The following BMPER variants were observed in gnomAD, a reference collection of about 807,000 sequenced individuals.
BMPER encodes the protein BMP binding endothelial regulator, also known as BMP-binding endothelial regulator protein.
In BMPER, 45 loss-of-function variants were observed where a neutral mutation model predicts 87.3. The observed-to-expected ratio is 0.52, with a 90% CI of 0.41 to 0.66. BMPER has a LOEUF of 0.66. Among genes scored for constraint, BMPER ranks in the 30% least tolerant of loss-of-function variants. The pLI is 0.00. For missense variants in BMPER, 784 were observed against 867.5 expected (o/e 0.90, Z 1.21); for synonymous variants, 326 against 316.2 (o/e 1.03, Z -0.33).
intron 11 of BMPER, among the ~76,000 whole-genome samples, chr7:34,076,398 T>C (rs1788866179): frequency 6.6e-6 from 1 of 152,148 alleles, no homozygotes; most frequent in Non-Finnish European, 1.5e-5. Context: ...AACCACTGTT[T>C]TCAATTTTGG....
rs564691393 is a variant in BMPER at position 33,911,863 on chromosome 7, C to T, written c.219+4960C>T. On this transcript the variant is annotated intron_variant, in intron 2 of 14. Transcript: ENST00000649409. ...GATGATGGCATTATTTTTAAAAATT[C>T]TTATTTCCTCATATGGAATAGGATG... Among the ~76,000 whole-genome samples, 415 of 152,216 alleles carry T rather than the reference C, an allele frequency of 2.7e-3. 3 individuals are homozygous for T. The highest frequency in any genetic ancestry group is 0.017 in the Middle Eastern group (5 of 294).
intron 13 of BMPER, among the ~76,000 whole-genome samples, chr7:34,136,672 G>A (rs889326632): frequency 2.6e-5 from 4 of 152,202 alleles, no homozygotes; most frequent in African/African-American, 4.8e-5. Context: ...TGACCAAATG[G>A]TGGTTTTCTT....
chr7:34,119,914 G>A (rs1342656746), intron 13 of BMPER, among the ~76,000 whole-genome samples: 1 of 151,984 alleles, frequency 6.6e-6, no homozygotes. Context: ...ACCAATGAAA[G>A]TTGTTATAGC....
rs114520711 is a variant in BMPER, at chr7:33,979,849, G to A, written c.576+5065G>A. 5.2e-3 allele frequency among the ~76,000 whole-genome samples: 793 copies of A among 152,336 alleles called. 6 individuals are homozygous for A. Among genetic ancestry groups the A allele is most frequent in the African/African-American group, 0.018 (761 of 41,576 alleles). On this transcript the variant is annotated intron_variant, in intron 6 of 14. Coordinates refer to ENST00000649409, the MANE Select transcript of BMPER (RefSeq NM_001365308.1). ...CCACTTAGTTACACTCTCTGAATTT[G>A]TGAAAATCTGTGTACTGATGTTTTC...
At chr7:34,102,652 C>G (rs1369469228) in intron 13 of BMPER, among the ~76,000 whole-genome samples, 1 of 152,110 alleles carries the variant, frequency 6.6e-6, no homozygotes, top group Non-Finnish European at 1.5e-5. Context: ...TCTCCTTATT[C>G]TAGAGTATTT....
intron 9 of BMPER, among the ~76,000 whole-genome samples, chr7:34,055,603 G>A (rs1051135849): frequency 3.3e-5 from 5 of 152,158 alleles, no homozygotes; most frequent in Non-Finnish European, 5.9e-5. Context: ...ACCTCATCTC[G>A]TTGGAGATGC....
At chr7:33,915,054 C>T (rs1784057753) in intron 2 of BMPER, among the ~76,000 whole-genome samples, 1 of 152,142 alleles carries the variant, frequency 6.6e-6, no homozygotes, top group African/African-American at 2.4e-5. Flanking sequence ...GAATCCAAAA[C>T]TAAGATTGCT....
chr7:33,918,828 A>G (rs947807577), intron 2 of BMPER, among the ~76,000 whole-genome samples: 1 of 152,098 alleles, frequency 6.6e-6, no homozygotes, highest in Non-Finnish European at 1.5e-5. Flanking sequence ...CCATTAGCAC[A>G]TAGATGAGTA....
chr7:34,137,892 A>G (rs1480135589), intron 13 of BMPER, among the ~76,000 whole-genome samples: 2 of 152,190 alleles, frequency 1.3e-5, no homozygotes, highest in Non-Finnish European at 2.9e-5. Flanking sequence ...TAGGTGCCCA[A>G]TCAGAGGTGA....
intron 13 of BMPER, among the ~76,000 whole-genome samples, chr7:34,132,365 G>A (rs1350200930): frequency 1.3e-5 from 2 of 150,270 alleles, no homozygotes; most frequent in African/African-American, 2.5e-5. Context: ...CCCCAGGATC[G>A]AAGCCAGTTC....
At chr7:33,997,159 A>T (rs1205961806) in intron 6 of BMPER, among the ~76,000 whole-genome samples, 1 of 152,196 alleles carries the variant, frequency 6.6e-6, no homozygotes, top group African/African-American at 2.4e-5. Flanking sequence ...AGTGAAAGTT[A>T]ATTACCCACC....
intron 6 of BMPER, among the ~76,000 whole-genome samples, chr7:34,027,038 T>C (rs1319034636): frequency 1.3e-5 from 2 of 152,062 alleles, no homozygotes; most frequent in African/African-American, 2.4e-5. Context: ...CCTGGGACCG[T>C]AGAGTTCATT....
At chr7:34,054,797 C>T (rs1788238580) in intron 8 of BMPER, among the ~76,000 whole-genome samples, 1 of 152,148 alleles carries the variant, frequency 6.6e-6, no homozygotes, top group African/African-American at 2.4e-5. Flanking sequence ...CCCAAGAGAG[C>T]ACTATTAGTG....
intron 13 of BMPER, among the ~76,000 whole-genome samples, chr7:34,137,358 A>T (rs905895367): frequency 6.6e-6 from 1 of 152,232 alleles, no homozygotes; most frequent in Non-Finnish European, 1.5e-5. Context: ...GGGAGCAAGG[A>T]TGGAATTCAT....
At chr7:33,963,421 G>A (rs1285376339) in intron 3 of BMPER, among the ~76,000 whole-genome samples, 3 of 152,090 alleles carry the variant, frequency 2.0e-5, no homozygotes, top group African/African-American at 7.2e-5. Flanking sequence ...CTTATATTTT[G>A]TCTCTTTGAA....
chr7:34,051,125 G>T, intron 7 of BMPER, among the ~76,000 whole-genome samples: 2 of 152,218 alleles, frequency 1.3e-5, no homozygotes, highest in Middle Eastern at 6.8e-3. Flanking sequence ...TTGTCACGTC[G>T]TGGTGAGGGT....
intron 13 of BMPER, among the ~76,000 whole-genome samples, chr7:34,134,641 T>A (rs1186383937): frequency 6.6e-6 from 1 of 152,178 alleles, no homozygotes; most frequent in African/African-American, 2.4e-5. Flanking sequence ...TTTGGGCTCC[T>A]TAAAGATGTG....
At chr7:33,982,973 A>G (rs1785903967) in intron 6 of BMPER, among the ~76,000 whole-genome samples, 1 of 152,166 alleles carries the variant, frequency 6.6e-6, no homozygotes, top group South Asian at 2.1e-4. Flanking sequence ...ATTTCATAAT[A>G]TGTTAGTTTA....
At chr7:33,981,933 A>G (rs914599095) in intron 6 of BMPER, among the ~76,000 whole-genome samples, 5 of 152,220 alleles carry the variant, frequency 3.3e-5, no homozygotes, top group Non-Finnish European at 7.3e-5. Context: ...GGTGGCAGGA[A>G]GCTGTGGTGG....
Sources: gnomAD v4.1 joint callset for allele counts (sites outside exome capture counted in the v4.1 genomes callset) on GRCh38, gnomAD v4.1.1 for gene constraint, MANE v1.5 for transcripts, NCBI Gene and HGNC (gene_info 2026-07-23, HGNC 2026-07-21) for gene names.